FOXP2: variants seen among roughly 807,000 people sequenced by gnomAD.
The protein encoded by FOXP2 is forkhead box protein P2.
A neutral mutation model predicts 115.8 loss-of-function variants in FOXP2; 12 were observed. That is an observed-to-expected ratio of 0.10 (90% CI 0.07 to 0.17). The LOEUF is 0.17. FOXP2 is among the 10% of genes least tolerant of loss of function. The probability of loss-of-function intolerance (pLI) is 1.00; values close to 1 mark genes in which losing one functional copy is unlikely to be tolerated. For synonymous variants in FOXP2, 328 were observed against 297.7 expected, an observed-to-expected ratio of 1.10 and a Z score of -1.05; for missense variants, 629 against 843.5, an observed-to-expected ratio of 0.75 and a Z score of 3.15.
At chr7:114,134,046 A>G (rs550586341) in intron 1 of FOXP2, among the ~76,000 whole-genome samples, 3 of 152,324 alleles carry the variant, frequency 2.0e-5, no homozygotes, top group Admixed American at 2.0e-4. Flanking sequence ...TATGAGGAGA[A>G]CTTGAGAAGT....
intron 2 of FOXP2, among the ~76,000 whole-genome samples, chr7:114,296,324 A>G (rs1205710355): frequency 6.6e-6 from 1 of 152,152 alleles, no homozygotes; most frequent in East Asian, 1.9e-4. Context: ...AATTTAATAA[A>G]CAACACAAAT....
intron 3 of FOXP2, among the ~76,000 whole-genome samples, chr7:114,580,319 T>C (rs2129301057): frequency 6.6e-6 from 1 of 152,326 alleles, no homozygotes; most frequent in East Asian, 1.9e-4. Flanking sequence ...GGCTCACGCC[T>C]GTAATCCCAG....
intron 2 of FOXP2, among the ~76,000 whole-genome samples, chr7:114,454,241 C>A (rs1286157745): frequency 1.3e-5 from 2 of 152,042 alleles, no homozygotes; most frequent in South Asian, 4.1e-4. Flanking sequence ...AAGAAGACAT[C>A]TATGCAGCCA....
intron 3 of FOXP2, among the ~76,000 whole-genome samples, chr7:114,615,230 A>C (rs1803868456): frequency 6.6e-6 from 1 of 152,166 alleles, no homozygotes; most frequent in East Asian, 1.9e-4. Flanking sequence ...GAAAAAGATA[A>C]TAATAATAAT....
intron 7 of FOXP2, among the ~76,000 whole-genome samples, chr7:114,644,203 A>T (rs920826481): frequency 6.6e-6 from 1 of 152,196 alleles, no homozygotes; most frequent in Non-Finnish European, 1.5e-5. Flanking sequence ...AGATTTTCTA[A>T]ATCAGGTGTA....
chr7:114,219,172 T>C (rs562298510), intron 1 of FOXP2, among the ~76,000 whole-genome samples: 1 of 152,210 alleles, frequency 6.6e-6, no homozygotes, highest in South Asian at 2.1e-4. Flanking sequence ...CTAATCAAAA[T>C]TATAATTTTA....
intron 2 of FOXP2, among the ~76,000 whole-genome samples, chr7:114,429,493 C>T (rs1584724445): frequency 6.6e-6 from 1 of 151,516 alleles, no homozygotes; most frequent in African/African-American, 2.4e-5. Context: ...TAGCATATTT[C>T]AGATGTTGTT....
In FOXP2 at chr7:114,691,173, C is replaced by G. The variant is rs879532670; in HGVS notation, c.*1247C>G. The G allele has an allele frequency of 1.3e-5, 6 of 453,954 alleles. No individual in the cohort carries two copies. The highest frequency in any genetic ancestry group is 1.2e-4 in the Admixed American group (5 of 42,536). 28.1% of individuals were successfully genotyped at this position (453,954 alleles called of 1,614,324 possible). ...GTGTTTTTGTTTTCCCTCATTCAGT[C>G]AGTTATTTTCAGTGGTGAATACATG... On this transcript the variant is annotated 3_prime_UTR_variant, in exon 17 of 17. Coordinates refer to ENST00000350908, the MANE Select transcript of FOXP2 (RefSeq NM_014491.4).
intron 1 of FOXP2, among the ~76,000 whole-genome samples, chr7:114,192,563 T>C (rs764702163): frequency 6.6e-6 from 1 of 152,220 alleles, no homozygotes; most frequent in Non-Finnish European, 1.5e-5. Flanking sequence ...TATCAAATTG[T>C]CTTCCAAAGT....
chr7:114,248,456 A>T (rs1206207573), intron 1 of FOXP2, among the ~76,000 whole-genome samples: 1 of 152,158 alleles, frequency 6.6e-6, no homozygotes, highest in Non-Finnish European at 1.5e-5. Flanking sequence ...TGAGAGAAAA[A>T]CAATTTAAAA....
chr7:114,170,089 T>A (rs2129152633), intron 1 of FOXP2, among the ~76,000 whole-genome samples: 1 of 152,364 alleles, frequency 6.6e-6, no homozygotes. Flanking sequence ...TCCAACAGAA[T>A]GTGATCACTT....
At chr7:114,336,524 C>T (rs1449409329) in intron 2 of FOXP2, among the ~76,000 whole-genome samples, 1 of 151,366 alleles carries the variant, frequency 6.6e-6, no homozygotes, top group African/African-American at 2.4e-5. Flanking sequence ...ATTATAAAGA[C>T]AATAAATAAA....
intron 2 of FOXP2, among the ~76,000 whole-genome samples, chr7:114,354,273 C>T (rs1791562599): frequency 6.6e-6 from 1 of 152,052 alleles, no homozygotes; most frequent in Non-Finnish European, 1.5e-5. Context: ...CTGAATTATG[C>T]CACTAACTTT....
chr7:114,161,325 C>T (rs1445122316), upstream of FOXP2, among the ~76,000 whole-genome samples: 3 of 151,962 alleles, frequency 2.0e-5, no homozygotes, highest in African/African-American at 7.2e-5. Context: ...TTTATTTCAC[C>T]TTGAAATAAT....
At chr7:114,615,150 C>T (rs1239761241) in intron 3 of FOXP2, among the ~76,000 whole-genome samples, 2 of 151,928 alleles carry the variant, frequency 1.3e-5, no homozygotes, top group Non-Finnish European at 1.5e-5. Flanking sequence ...ACCTGGGAGG[C>T]GGAGGTTGCA....
chr7:114,321,368 T>A (rs183626138), intron 2 of FOXP2, among the ~76,000 whole-genome samples: 100 of 151,940 alleles, frequency 6.6e-4, no homozygotes, highest in African/African-American at 2.3e-3. Flanking sequence ...CCGGCTAATT[T>A]TTTGTATTTT....
intron 2 of FOXP2, among the ~76,000 whole-genome samples, chr7:114,491,919 C>T (rs185515770): frequency 6.6e-6 from 1 of 152,178 alleles, no homozygotes; most frequent in Admixed American, 6.6e-5. Flanking sequence ...GATGATGCTG[C>T]CCTCATAAAA....
At chr7:114,308,755 A>G (rs887084831) in intron 2 of FOXP2, among the ~76,000 whole-genome samples, 4 of 152,266 alleles carry the variant, frequency 2.6e-5, no homozygotes, top group African/African-American at 9.6e-5. Flanking sequence ...AGAATTGTCC[A>G]TCTGTAGGTG....
At chr7:114,193,185 T>C (rs1338495773) in intron 1 of FOXP2, among the ~76,000 whole-genome samples, 2 of 152,018 alleles carry the variant, frequency 1.3e-5, no homozygotes, top group Non-Finnish European at 2.9e-5. Context: ...TGGTAAATAG[T>C]TATAGGTTTT....
Sources: gnomAD v4.1 joint callset for allele counts (sites outside exome capture counted in the v4.1 genomes callset) on GRCh38, gnomAD v4.1.1 for gene constraint, MANE v1.5 for transcripts, NCBI Gene and HGNC (gene_info 2026-07-23, HGNC 2026-07-21) for gene names.